Variants in MYO1A observed in about 807,000 individuals in gnomAD.
The protein encoded by MYO1A is unconventional myosin-Ia.
Under a neutral mutation model 138.5 loss-of-function variants are expected in MYO1A, and 127 were observed. That is an observed-to-expected ratio of 0.92 (90% CI 0.79 to 1.06). MYO1A has a LOEUF of 1.06. MYO1A is among the 50% of genes least tolerant of loss of function. The pLI is 0.00. For synonymous variants in MYO1A, 477 were observed against 497.5 expected (o/e 0.96, Z 0.55); for missense variants, 1,211 against 1,288.8 (o/e 0.94, Z 0.92).
rs774474574 is a variant in MYO1A at position 57,047,065 on chromosome 12, C to T, written c.473G>A (p.Arg158Gln). ...AKTIRNNNSS[R>Q]FGKYMDIEFD... ...GGTGGGGAGACATTTACTCACAAATCGGGAGGAATTGTTGTTGCGAATGGT... is the reference window on the plus strand; with the variant it reads ...GGTGGGGAGACATTTACTCACAAATTGGGAGGAATTGTTGTTGCGAATGGT... The change falls in exon 6 of 28, where the codon CGA becomes CAA. Residue 158 changes from arginine to glutamine, a missense_variant. Physicochemically the swap from Arg to Gln is conservative, Grantham distance 43. Transcript: ENST00000300119. The T allele has an allele frequency of 3.0e-5, 49 of 1,613,986 alleles. No homozygotes were observed. Among genetic ancestry groups the T allele is most frequent in the Middle Eastern group, 1.6e-4 (1 of 6,084 alleles).
intron 3 of MYO1A, 124 bp downstream of exon 3, chr12:57,047,865 A>G: frequency 6.4e-7 from 1 of 1,559,604 alleles, no homozygotes; most frequent in Non-Finnish European, 8.7e-7. Flanking sequence ...AGGGGCCTCC[A>G]GAAGGCCAGG....
chr12:57,043,247 A>G lies in MYO1A; in HGVS notation c.1004T>C (p.Val335Ala). 1 of 1,614,136 alleles carries G rather than the reference A, an allele frequency of 6.2e-7. No individual in the cohort carries two copies. The change falls in exon 11 of 28, where the codon GTT (valine) becomes GCT (alanine). Residue 335 changes from valine (V) to alanine (A), a missense_variant. Transcript: ENST00000300119. ...CTCCAGTGAGCTCCTTACCTGCATAACATTCAGTGCAGTGACCACCTTTTC... is the reference window on the plus strand; with the variant it reads ...CTCCAGTGAGCTCCTTACCTGCATAGCATTCAGTGCAGTGACCACCTTTTC... ...AKEKVVTALN[V>A]MQAQYARDAL...
intron 14 of MYO1A, among the ~76,000 whole-genome samples, chr12:57,039,820 G>T (rs1295600519): frequency 1.3e-5 from 2 of 152,210 alleles, no homozygotes; most frequent in African/African-American, 2.4e-5. Flanking sequence ...GATTCAACAG[G>T]TCTGGGATGT....
chr12:57,037,886 G>A lies in MYO1A; in HGVS notation c.1944C>T (p.His648=). Reference sequence around the variant, plus strand: ...GGTCTTACCGGTCTCCCCCATTCCAGTGAGGCCAGGTGCTCCGGCTCAGCA... The same window carrying A: ...GGTCTTACCGGTCTCCCCCATTCCAATGAGGCCAGGTGCTCCGGCTCAGCA... ...YRLLSRSTWP[H]WNGGDREGVE... The change falls in exon 18 of 28, where the codon CAC becomes CAT. Residue 648 remains histidine (H), a synonymous_variant. Transcript: ENST00000300119. The A allele has an allele frequency of 6.2e-7, 1 of 1,614,168 alleles. No individual in the cohort carries two copies. The highest frequency in any genetic ancestry group is 8.5e-7 in the Non-Finnish European group (1 of 1,180,028).
chr12:57,028,750 C>G lies in MYO1A; in HGVS notation c.*5G>C. ...CAACTGCCATCTCTGCATGGTGCCC[C>G]CTCCTCACTGCACAGTCACCTCCAA... On this transcript the variant is annotated 3_prime_UTR_variant, in exon 28 of 28. Coordinates refer to ENST00000300119, the MANE Select transcript of MYO1A (RefSeq NM_005379.4). 1 of 1,613,950 alleles carries G rather than the reference C, an allele frequency of 6.2e-7. No homozygotes were observed.
chr12:57,035,675 A>G (rs1227461554), intron 22 of MYO1A, among the ~76,000 whole-genome samples: 2 of 152,094 alleles, frequency 1.3e-5, no homozygotes, highest in African/African-American at 4.8e-5. Flanking sequence ...CAGAAGCACT[A>G]TTGCTATCTG....
intron 14 of MYO1A, among the ~76,000 whole-genome samples, chr12:57,040,399 T>C (rs1236846425): frequency 1.3e-5 from 2 of 152,266 alleles, no homozygotes; most frequent in Admixed American, 6.5e-5. Context: ...AGGAAGCCCA[T>C]GTTGGTTGCC....
chr12:57,041,728 C>T lies in MYO1A; in HGVS notation c.1099-231G>A, dbSNP rs117187349. On this transcript the variant is annotated intron_variant, in intron 12 of 27. Coordinates refer to ENST00000300119, the MANE Select transcript of MYO1A (RefSeq NM_005379.4). ...ACAGATAGATTCCAGGATGGTGCTCCGATGGTACCAGGTAGAAAGACAATA... is the reference window on the plus strand; with the variant it reads ...ACAGATAGATTCCAGGATGGTGCTCTGATGGTACCAGGTAGAAAGACAATA... Among the ~76,000 whole-genome samples, 139 of 152,068 alleles carry T rather than the reference C, an allele frequency of 9.1e-4. 1 individual carries two copies. Among genetic ancestry groups the T allele is most frequent in the Admixed American group, 1.6e-3 (24 of 15,288 alleles).
intron 7 of MYO1A, 102 bp downstream of exon 7, chr12:57,046,760 CT>C (rs2031112787): frequency 1.3e-6 from 2 of 1,519,608 alleles, no homozygotes; most frequent in East Asian, 4.5e-5. Flanking sequence ...GTTGGGAAGT[CT>C]CCTTGACGTC....
upstream of MYO1A, chr12:57,050,830 G>A (rs1051927916): frequency 4.6e-5 from 7 of 152,150 alleles, no homozygotes; most frequent in African/African-American, 1.7e-4. Context: ...GGAAAACTAG[G>A]AACAAACACC....
upstream of MYO1A, among the ~76,000 whole-genome samples, chr12:57,050,524 A>G (rs1470329551): frequency 6.6e-6 from 1 of 152,166 alleles, no homozygotes; most frequent in Non-Finnish European, 1.5e-5. Context: ...GTCTTTACAA[A>G]GAGTGTCTTC....
Position 57,047,608 on chromosome 12 carries a change from C to T in MYO1A, c.325+19G>A, listed in dbSNP as rs770071678. 1 of 1,613,428 alleles carries T rather than the reference C, an allele frequency of 6.2e-7. No individual in the cohort carries two copies. Among genetic ancestry groups the T allele is most frequent in the Admixed American group, 1.7e-5 (1 of 60,022 alleles). ...GTTCCAGAGGTGACTCCATGTGTTC[C>T]CCCAGCCAGGGGCCTCACCAGTCTT... On this transcript the variant is annotated intron_variant, in intron 4 of 27. Coordinates refer to ENST00000300119, the MANE Select transcript of MYO1A (RefSeq NM_005379.4).
intron 24 of MYO1A, 156 bp from the exon 25 acceptor site, chr12:57,030,028 C>T (rs986008350): frequency 7.3e-7 from 1 of 1,362,664 alleles, no homozygotes; most frequent in Non-Finnish European, 1.0e-6. Context: ...ACATCAGCAC[C>T]ACCTGGGGAG....
At position 57,037,966 on chromosome 12, in the gene MYO1A, G is replaced by T; in HGVS notation, c.1864C>A (p.Arg622=). The T allele has an allele frequency of 6.2e-7, 1 of 1,614,156 alleles. No homozygotes were observed. The highest frequency in any genetic ancestry group is 8.5e-7 in the Non-Finnish European group (1 of 1,180,032). Residue 622 remains arginine (R), a synonymous_variant, in exon 18 of 28, where the codon CGG becomes AGG. Transcript: ENST00000300119. ...LGLLENVRVR[R]AGYAHRQGYG... is the part of the protein sequence containing the mutation. Reference sequence around the variant, plus strand: ...CCCTGGCGGTGGGCATAGCCTGCCCGTCGCACCCGTACGTTCTCCAGCAGT... The same window carrying T: ...CCCTGGCGGTGGGCATAGCCTGCCCTTCGCACCCGTACGTTCTCCAGCAGT...
intron 23 of MYO1A, 88 bp from the exon 24 acceptor site, chr12:57,030,404 T>A: frequency 9.1e-7 from 1 of 1,098,386 alleles, no homozygotes; most frequent in Non-Finnish European, 1.4e-6. Flanking sequence ...TAGAAGACAC[T>A]AGGAGAGGAG....
At chr12:57,028,924 A>G (rs766402013) in intron 27 of MYO1A, 43 bp from the exon 28 acceptor site, 1 of 1,606,074 alleles carries the variant, frequency 6.2e-7, no homozygotes, top group Non-Finnish European at 8.5e-7. Flanking sequence ...CCATCCCCTC[A>G]CCCCGACTCC....
chr12:57,029,027 CG>C (rs1840804189), intron 27 of MYO1A, 104 bp downstream of exon 27: 3 of 1,604,220 alleles, frequency 1.9e-6, no homozygotes, highest in Non-Finnish European at 2.6e-6. Context: ...CTCCAAGCCC[CG>C]GCCTGCACTG....
rs2030094210 is a variant in MYO1A at position 57,028,664 on chromosome 12, G to A, written c.*91C>T. On this transcript the variant is annotated 3_prime_UTR_variant, in exon 28 of 28. Coordinates refer to ENST00000300119, the MANE Select transcript of MYO1A (RefSeq NM_005379.4). Reference sequence around the variant, plus strand: ...CCCCAAGCCATGCGCCACGATCAGAGGGGTTAGAGATCCTCCCACACAGGA... The same window carrying A: ...CCCCAAGCCATGCGCCACGATCAGAAGGGTTAGAGATCCTCCCACACAGGA... 5 of 1,543,044 alleles carry A rather than the reference G, an allele frequency of 3.2e-6. No individual in the cohort carries two copies. The Admixed American group carries it at 7.1e-5, about 22-fold the overall frequency.
intron 7 of MYO1A, 54 bp downstream of exon 7, chr12:57,046,809 A>G: frequency 6.3e-7 from 1 of 1,583,494 alleles, no homozygotes; most frequent in Middle Eastern, 1.7e-4. Context: ...ATTAGCAGAA[A>G]GGGCCATGGG....
Sources: allele counts gnomAD v4.1 joint callset (sites outside exome capture counted in the v4.1 genomes callset), GRCh38; gene constraint gnomAD v4.1.1; transcripts MANE v1.5; gene names NCBI Gene and HGNC (gene_info 2026-07-23, HGNC 2026-07-21).